Variants in GPRIN1 observed in about 807,000 individuals in gnomAD.
GPRIN1 encodes G protein-regulated inducer of neurite outgrowth 1.
In GPRIN1, 4 loss-of-function variants were observed where a neutral mutation model predicts 2.8. The observed-to-expected ratio is 1.45, with a 90% CI of 0.71 to 3.32. The LOEUF (loss-of-function observed/expected upper bound fraction) is 3.32. Ranked by LOEUF, GPRIN1 falls within the 30% of genes most tolerant of loss-of-function variation. The probability of loss-of-function intolerance (pLI) is 0.01; values close to 1 mark genes in which losing one functional copy is unlikely to be tolerated. For missense variants in GPRIN1, 1,322 were observed against 1,343.4 expected, an observed-to-expected ratio of 0.98 and a Z score of 0.25; for synonymous variants, 589 against 589.9, an observed-to-expected ratio of 1.00 and a Z score of 0.02.
At position 176,598,533 on chromosome 5, in the gene GPRIN1, G is replaced by A. The variant is rs1759091291; in HGVS notation, c.1302C>T (p.Leu434=). Reference sequence around the variant, plus strand: ...CACGCTCTGCCTGTCCAGGAGACAAGAGCTCTGGCTTTCCTGAGCACATGG... The same window carrying A: ...CACGCTCTGCCTGTCCAGGAGACAAAAGCTCTGGCTTTCCTGAGCACATGG... The part of the protein sequence containing the change: ...MDPMCSGKPE[L]LSPGQAERVS... Residue 434 remains leucine (L), a synonymous_variant, in exon 2 of 2, where the codon CTC becomes CTT. Transcript: ENST00000303991. 6.2e-7 allele frequency: 1 copy of A among 1,614,162 alleles called. No individual in the cohort carries two copies. The highest frequency in any genetic ancestry group is 1.1e-5 in the South Asian group (1 of 91,086).
rs1388212528 is a variant in GPRIN1 at position 176,598,703 on chromosome 5, C to T, written c.1132G>A (p.Asp378Asn). 6.2e-7 allele frequency: 1 copy of T among 1,614,070 alleles called. No individual in the cohort carries two copies. The highest frequency in any genetic ancestry group is 8.5e-7 in the Non-Finnish European group (1 of 1,180,030). Residue 378 changes from aspartate to asparagine, a missense_variant, in exon 2 of 2, where the codon GAC becomes AAC. Coordinates refer to ENST00000303991, the MANE Select transcript of GPRIN1 (RefSeq NM_052899.3). ...CGCCCCTCTCCTGAGGAGGCAGGGT[C>T]CATCTTTCCCAGGAACCGGGAGTCC... ...KEDSRFLGKM[D>N]PASSGEGRPV...
chr5:176,600,675 A>G (rs1016955733), intron 1 of GPRIN1, among the ~76,000 whole-genome samples: 24 of 152,094 alleles, frequency 1.6e-4, no homozygotes, highest in Non-Finnish European at 3.1e-4. Context: ...GCACTTTGGG[A>G]GGCTGAGGCT....
chr5:176,609,714 G>A (rs1045452641), intron 1 of GPRIN1, among the ~76,000 whole-genome samples: 3 of 151,958 alleles, frequency 2.0e-5, no homozygotes, highest in Non-Finnish European at 4.4e-5. Context: ...CGACCCCACA[G>A]CCAGGTCAGC....
At chr5:176,601,360 C>G (rs1759146510) in intron 1 of GPRIN1, among the ~76,000 whole-genome samples, 1 of 152,236 alleles carries the variant, frequency 6.6e-6, no homozygotes, top group Non-Finnish European at 1.5e-5. Context: ...TTCTCTGCAA[C>G]AGGCCCTGAG....
chr5:176,601,271 G>A (rs1203741733), intron 1 of GPRIN1, among the ~76,000 whole-genome samples: 1 of 152,182 alleles, frequency 6.6e-6, no homozygotes, highest in Non-Finnish European at 1.5e-5. Flanking sequence ...ACAGGGGTTG[G>A]CCAAGACCTG....
intron 1 of GPRIN1, among the ~76,000 whole-genome samples, chr5:176,609,076 C>T (rs1015768140): frequency 6.6e-6 from 1 of 152,192 alleles, no homozygotes; most frequent in Non-Finnish European, 1.5e-5. Flanking sequence ...CATAGGAGGG[C>T]AAGAATGGAC....
rs773867925 is a variant in GPRIN1 at position 176,597,546 on chromosome 5, G to C, written c.2289C>G (p.Leu763=). The C allele has an allele frequency of 1.9e-6, 3 of 1,546,894 alleles. No homozygotes were observed. In the South Asian group the frequency reaches 3.5e-5, roughly 18 times the overall value. Residue 763 remains leucine, a synonymous_variant, in exon 2 of 2, where the codon CTC becomes CTG. Transcript: ENST00000303991. The surrounding 1 kb of genome is among the most constrained non-coding windows in gnomAD (Gnocchi z 6.1). ...CAGCGGCTTCCAGGTCTTTCTGGCC[G>C]AGACTGGAGGCCTCGGTGCTGGACA... ...EPVSSTEASS[L]GQKDLEAAGA...
chr5:176,607,260 A>T (rs1759234287), intron 1 of GPRIN1, among the ~76,000 whole-genome samples: 1 of 152,140 alleles, frequency 6.6e-6, no homozygotes, highest in South Asian at 2.1e-4. Flanking sequence ...CTTCTCTGAG[A>T]GGCAGCCCAG....
chr5:176,608,639 A>C (rs1333082457), intron 1 of GPRIN1, among the ~76,000 whole-genome samples: 1 of 151,994 alleles, frequency 6.6e-6, no homozygotes, highest in Non-Finnish European at 1.5e-5. Context: ...GGCTACTTGG[A>C]CCCTGTGGGT....
chr5:176,600,931 C>A (rs1459265520), intron 1 of GPRIN1, among the ~76,000 whole-genome samples: 2 of 152,088 alleles, frequency 1.3e-5, no homozygotes, highest in African/African-American at 4.8e-5. Context: ...TAAACAAAAA[C>A]AAAAATTAAT....
Position 176,602,543 on chromosome 5 carries a change from C to T in GPRIN1, c.-43-2666G>A, listed in dbSNP as rs897073493. Among the ~76,000 whole-genome samples, 2 of 152,168 alleles carry T rather than the reference C, an allele frequency of 1.3e-5. No homozygotes were observed. Among genetic ancestry groups the T allele is most frequent in the African/African-American group, 4.8e-5 (2 of 41,430 alleles). ...AAGATGCAGAGCCACCTGTGCCCTC[C>T]TTGGCTCAAAACCCTCCTCATTCTT... On this transcript the variant is annotated intron_variant, in intron 1 of 1. Coordinates refer to ENST00000303991, the MANE Select transcript of GPRIN1 (RefSeq NM_052899.3). The surrounding 1 kb of genome is among the most constrained non-coding windows in gnomAD (Gnocchi z 4.4).
chr5:176,604,694 A>G (rs967971455), intron 1 of GPRIN1, among the ~76,000 whole-genome samples: 1 of 151,488 alleles, frequency 6.6e-6, no homozygotes, highest in African/African-American at 2.4e-5. Context: ...GGTTTCCTAA[A>G]TTTTTTTTTA....
chr5:176,597,430 G>C lies in GPRIN1; in HGVS notation c.2405C>G (p.Ala802Gly). ...DNFTKAPSWE[A>G]SAPPPPREDA... ...CTCGCGCGGCGGCGGCGGGGCGCTC[G>C]CCTCCCACGACGGCGCCTTGGTGAA... The change falls in exon 2 of 2, where the codon GCG becomes GGG. Residue 802 changes from alanine (A) to glycine (G), a missense_variant. By Grantham distance (60) the Ala-to-Gly change is moderately conservative. Transcript: ENST00000303991. This position sits in a 1 kb window ranked among gnomAD's most constrained non-coding sequence, Gnocchi z 6.1. The C allele has an allele frequency of 7.7e-7, 1 of 1,297,338 alleles. No individual in the cohort carries two copies. Among genetic ancestry groups the C allele is most frequent in the Non-Finnish European group, 9.7e-7 (1 of 1,027,442 alleles). The allele number at this position is 1,297,338 out of a possible 1,614,324, so 80.4% of individuals were successfully genotyped here. A position where few individuals can be genotyped will look rare whatever the true frequency, so the allele number is the denominator to read the frequency against.
At position 176,596,948 on chromosome 5, in the gene GPRIN1, C is replaced by A. The variant is rs1200022118; in HGVS notation, c.2887G>T (p.Ala963Ser). 4 of 1,277,882 alleles carry A rather than the reference C, an allele frequency of 3.1e-6. No individual in the cohort carries two copies. The highest frequency in any genetic ancestry group is 3.0e-6 in the Non-Finnish European group (3 of 1,013,466). The allele number at this position is 1,277,882 out of a possible 1,614,324, so 79.2% of individuals were successfully genotyped here. The change falls in exon 2 of 2, where the codon GCC (alanine) becomes TCC (serine). Residue 963 changes from alanine (A) to serine (S), a missense_variant. This residue lies in a region of GPRIN1 where 196 missense variants were observed against 189.2 expected (regional missense o/e 1.04). Coordinates refer to ENST00000303991, the MANE Select transcript of GPRIN1 (RefSeq NM_052899.3). The surrounding 1 kb of genome is among the most constrained non-coding windows in gnomAD (Gnocchi z 5.2). Reference sequence around the variant, plus strand: ...ACCGAGCCCGAACGGCCGGGGCCGGCACGGGCGGCGGGCGGCGGCGCGGGC... The same window carrying A: ...ACCGAGCCCGAACGGCCGGGGCCGGAACGGGCGGCGGGCGGCGGCGCGGGC... ...GAPAPPPAAR[A>S]GPGRSGSVRT...
intron 1 of GPRIN1, among the ~76,000 whole-genome samples, chr5:176,607,365 A>G (rs1759235569): frequency 6.6e-6 from 1 of 152,074 alleles, no homozygotes; most frequent in South Asian, 2.1e-4. Flanking sequence ...TTTTTTTGAG[A>G]CCGAGTCTTG....
rs1318957742 is a variant in GPRIN1, at chr5:176,599,252, G to A, written c.583C>T (p.Pro195Ser). 1.2e-6 allele frequency: 2 copies of A among 1,613,902 alleles called. No homozygotes were observed. The highest frequency in any genetic ancestry group is 2.2e-5 in the East Asian group (1 of 44,866). ...AEPEILGKGDPVAPGRMDPMT... is the reference protein window; with the variant it reads ...AEPEILGKGDSVAPGRMDPMT... ...GGATCCATCCTTCCAGGAGCCACAG[G>A]ATCCCCCTTTCCCAAGATTTCAGGC... The change falls in exon 2 of 2, where the codon CCT (proline) becomes TCT (serine). Residue 195 changes from proline (P) to serine (S), a missense_variant. Physicochemically the swap from Pro to Ser is moderately conservative, Grantham distance 74. Coordinates refer to ENST00000303991, the MANE Select transcript of GPRIN1 (RefSeq NM_052899.3).
At chr5:176,603,355 G>C (rs77705805) in intron 1 of GPRIN1, among the ~76,000 whole-genome samples, 1 of 152,000 alleles carries the variant, frequency 6.6e-6, no homozygotes, top group South Asian at 2.1e-4. Context: ...TCAGATCTCC[G>C]TTAAAACACC....
chr5:176,606,961 G>C (rs189090171), intron 1 of GPRIN1, among the ~76,000 whole-genome samples: 21 of 152,314 alleles, frequency 1.4e-4, no homozygotes, highest in Admixed American at 1.1e-3. Flanking sequence ...CTCTGAGATG[G>C]GATAAAGTCC....
At chr5:176,605,175 C>T (rs980735245) in intron 1 of GPRIN1, among the ~76,000 whole-genome samples, 3 of 150,874 alleles carry the variant, frequency 2.0e-5, no homozygotes, top group African/African-American at 7.3e-5. Flanking sequence ...CTCACTGCAA[C>T]CTCTGCCTCC....
Sources: allele counts gnomAD v4.1 joint callset (sites outside exome capture counted in the v4.1 genomes callset), GRCh38; gene constraint gnomAD v4.1.1; regional missense constraint gnomAD v4.1.1; non-coding constraint Gnocchi (gnomAD v3.1); transcripts MANE v1.5; gene names NCBI Gene and HGNC (gene_info 2026-07-23, HGNC 2026-07-21).